RBFOX1: variants seen among roughly 807,000 people sequenced by gnomAD.
The protein encoded by RBFOX1 is RNA binding fox-1 homolog 1.
Under a neutral mutation model 57.7 loss-of-function variants are expected in RBFOX1, and 8 were observed. The ratio of observed to expected loss-of-function variants is 0.14; its 90% CI spans 0.08 to 0.25. The LOEUF is 0.25. Ranked by LOEUF, RBFOX1 falls within the 10% of genes least tolerant of loss-of-function variation. RBFOX1 has a pLI of 1.00. For missense variants in RBFOX1, 611 were observed against 548.5 expected (o/e 1.11, Z -1.14); for synonymous variants, 326 against 222.4 (o/e 1.47, Z -4.15).
At chr16:7,187,926 A>T (rs1020065827) in intron 4 of RBFOX1, among the ~76,000 whole-genome samples, 15 of 152,282 alleles carry the variant, frequency 9.9e-5, no homozygotes, top group African/African-American at 3.6e-4. Context: ...CCATGACCGC[A>T]TGGGTCAAAT....
chr16:6,675,762 T>G (rs1316195846), intron 3 of RBFOX1, among the ~76,000 whole-genome samples: 1 of 152,078 alleles, frequency 6.6e-6, no homozygotes, highest in Non-Finnish European at 1.5e-5. Flanking sequence ...CTTGTGAGAT[T>G]TACTCACTAC....
At position 7,665,545 on chromosome 16, in the gene RBFOX1, A is replaced by G. The variant is rs141805792; in HGVS notation, c.930+577A>G. On this transcript the variant is annotated intron_variant, in intron 13 of 15. Transcript: ENST00000550418. ...TTATTCCATTTCCCCCAATTACCTGACTTAAAATTGCTTGCTAAATAGTAA... is the reference window on the plus strand; with the variant it reads ...TTATTCCATTTCCCCCAATTACCTGGCTTAAAATTGCTTGCTAAATAGTAA... Among the ~76,000 whole-genome samples, 411 of 152,232 alleles carry G rather than the reference A, an allele frequency of 2.7e-3. 2 individuals are homozygous for G. Among genetic ancestry groups the G allele is most frequent in the African/African-American group, 9.1e-3 (379 of 41,546 alleles).
At chr16:6,758,560 G>A (rs2076154669) in intron 3 of RBFOX1, among the ~76,000 whole-genome samples, 1 of 152,052 alleles carries the variant, frequency 6.6e-6, no homozygotes. Context: ...ATATAACCAT[G>A]CTCTCTAAAA....
chr16:5,498,843 C>T (rs2043092699), intron 2 of RBFOX1, among the ~76,000 whole-genome samples: 1 of 152,212 alleles, frequency 6.6e-6, no homozygotes, highest in Admixed American at 6.5e-5. Flanking sequence ...TCCATATGTC[C>T]CTGGGCTTGG....
chr16:6,922,436 CAGG>C (rs2074675490), intron 3 of RBFOX1, among the ~76,000 whole-genome samples: 5 of 152,216 alleles, frequency 3.3e-5, no homozygotes, highest in Non-Finnish European at 7.3e-5. Flanking sequence ...TGAGCACTTC[CAGG>C]CTGTCTTGCC....
intron 1 of RBFOX1, among the ~76,000 whole-genome samples, chr16:6,185,940 G>A (rs2097102286): frequency 6.6e-6 from 1 of 152,098 alleles, no homozygotes; most frequent in South Asian, 2.1e-4. Flanking sequence ...CTAAGGACAG[G>A]CAGACCCACA....
chr16:5,707,726 T>A (rs74006210), intron 3 of RBFOX1, among the ~76,000 whole-genome samples: 111 of 152,304 alleles, frequency 7.3e-4, no homozygotes, highest in African/African-American at 2.5e-3. Context: ...TAAATAGGAA[T>A]GATACTAATA....
intron 3 of RBFOX1, among the ~76,000 whole-genome samples, chr16:6,980,710 A>G (rs372997329): frequency 1.5e-4 from 23 of 152,258 alleles, no homozygotes; most frequent in African/African-American, 5.3e-4. Context: ...GGAGGGAGCA[A>G]TGTCATCAAA....
intron 2 of RBFOX1, among the ~76,000 whole-genome samples, chr16:6,460,978 A>G (rs1245835221): frequency 6.6e-6 from 1 of 152,182 alleles, no homozygotes; most frequent in Non-Finnish European, 1.5e-5. Flanking sequence ...ACTGGAAGCC[A>G]TTACCTTAGC....
chr16:6,612,034 C>T (rs2096610700), intron 2 of RBFOX1, among the ~76,000 whole-genome samples: 2 of 152,120 alleles, frequency 1.3e-5, no homozygotes, highest in African/African-American at 4.8e-5. Context: ...TTGAAAAGTC[C>T]CGGAATAGTT....
chr16:7,547,034 G>A (rs747023508), intron 5 of RBFOX1, among the ~76,000 whole-genome samples: 5 of 151,824 alleles, frequency 3.3e-5, no homozygotes, highest in African/African-American at 7.3e-5. Context: ...AAGACTGCAC[G>A]GCAGTGTCCT....
intron 3 of RBFOX1, among the ~76,000 whole-genome samples, chr16:6,665,633 A>C (rs1385148337): frequency 7.9e-6 from 1 of 126,360 alleles, no homozygotes; most frequent in Non-Finnish European, 1.8e-5. Flanking sequence ...CTCCAAAAAA[A>C]AAAAAAGAAG....
chr16:5,599,210 G>A, exon 3 of RBFOX1: 1 of 700,288 alleles, frequency 1.4e-6, no homozygotes, highest in Non-Finnish European at 2.6e-6. Context: ...AAAAGACCAG[G>A]CCCACTTGGT....
At chr16:6,285,186 G>C in intron 1 of RBFOX1, among the ~76,000 whole-genome samples, 1 of 152,234 alleles carries the variant, frequency 6.6e-6, no homozygotes, top group East Asian at 1.9e-4. Flanking sequence ...GGGAGAAAAG[G>C]GGGTCCCGTT....
At chr16:5,358,048 G>A (rs1205162844) in intron 1 of RBFOX1, among the ~76,000 whole-genome samples, 1 of 152,164 alleles carries the variant, frequency 6.6e-6, no homozygotes, top group Non-Finnish European at 1.5e-5. Flanking sequence ...TGTTCAGGAG[G>A]CTTAGACTCC....
At chr16:5,958,840 A>G (rs962571168) in intron 4 of RBFOX1, among the ~76,000 whole-genome samples, 5 of 152,154 alleles carry the variant, frequency 3.3e-5, no homozygotes, top group Non-Finnish European at 7.3e-5. Context: ...TCTGCATATT[A>G]CTAACCTTGG....
At chr16:6,833,373 G>A (rs114344762) in intron 3 of RBFOX1, among the ~76,000 whole-genome samples, 42 of 151,996 alleles carry the variant, frequency 2.8e-4, no homozygotes, top group African/African-American at 1.0e-3. Context: ...CACCATGTTG[G>A]TTCCGCTGTT....
At chr16:7,212,546 G>A (rs1314385791) in intron 4 of RBFOX1, among the ~76,000 whole-genome samples, 3 of 152,214 alleles carry the variant, frequency 2.0e-5, no homozygotes, top group South Asian at 4.2e-4. Flanking sequence ...GATCAGTCCT[G>A]GGCACGAACA....
Position 6,912,837 on chromosome 16 carries a change from C to G in RBFOX1, c.-15-139220C>G, listed in dbSNP as rs965754319. Reference sequence around the variant, plus strand: ...GTCCCACTGTGTTGCCCAGGCTAGACTCAAACTCCTGAGCTCAAGTGATCC... The same window carrying G: ...GTCCCACTGTGTTGCCCAGGCTAGAGTCAAACTCCTGAGCTCAAGTGATCC... On this transcript the variant is annotated intron_variant, in intron 3 of 15. Coordinates refer to ENST00000550418, the MANE Select transcript of RBFOX1 (RefSeq NM_018723.4). 5.3e-5 allele frequency among the ~76,000 whole-genome samples: 8 copies of G among 152,090 alleles called. No homozygotes were observed. The East Asian group carries it at 1.4e-3, about 26-fold the overall frequency.
Sources: allele counts gnomAD v4.1 joint callset (sites outside exome capture counted in the v4.1 genomes callset), GRCh38; gene constraint gnomAD v4.1.1; transcripts MANE v1.5; gene names NCBI Gene and HGNC (gene_info 2026-07-23, HGNC 2026-07-21).